Variants in CHRDL1 observed in about 807,000 individuals in gnomAD.
CHRDL1 encodes the protein chordin-like protein 1.
CHRDL1 carries 19 observed loss-of-function variants against 40.9 expected under a neutral mutation model. That is an observed-to-expected ratio of 0.46 (90% CI 0.32 to 0.68). The LOEUF (loss-of-function observed/expected upper bound fraction) is 0.68, where lower values mean the gene tolerates loss of function less well. CHRDL1 is among the 30% of genes least tolerant of loss of function. The pLI is 0.03. For synonymous variants in CHRDL1, 136 were observed against 123.4 expected (o/e 1.10, Z -0.68); for missense variants, 329 against 352.1 (o/e 0.93, Z 0.53).
chrX:110,736,494 T>C (rs1378575127), intron 4 of CHRDL1, among the ~76,000 whole-genome samples: 1 of 112,036 alleles, frequency 8.9e-6, no homozygotes, highest in Non-Finnish European at 1.9e-5. Flanking sequence ...AAAGTGATGA[T>C]AGGGGTCAGA....
chrX:110,689,254 CTTTTT>C (rs55785948), intron 8 of CHRDL1, among the ~76,000 whole-genome samples: 1 of 88,723 alleles, frequency 1.1e-5, no homozygotes, highest in African/African-American at 4.0e-5. Flanking sequence ...CCATGCCGTG[CTTTTT>C]TTTTTTTTTT....
At chrX:110,682,946 G>A (rs1221158752) in intron 9 of CHRDL1, among the ~76,000 whole-genome samples, 1 of 112,054 alleles carries the variant, frequency 8.9e-6, no homozygotes, top group Non-Finnish European at 1.9e-5. Context: ...CTTTTTAAAT[G>A]GGTTGGAGAG....
intron 4 of CHRDL1, among the ~76,000 whole-genome samples, chrX:110,736,926 A>G (rs888562079): frequency 1.8e-4 from 20 of 111,920 alleles, no homozygotes; most frequent in African/African-American, 6.5e-4. Flanking sequence ...ATCTACAATT[A>G]TAGATGAGGA....
At chrX:110,689,072 G>GTATATATATATATA (rs758293619) in intron 8 of CHRDL1, among the ~76,000 whole-genome samples, 10 of 31,154 alleles carry the variant, frequency 3.2e-4, no homozygotes, top group African/African-American at 2.0e-3. Context: ...ATATATATAT[G>GTATATATATATATA]TATATATATA....
intron 4 of CHRDL1, among the ~76,000 whole-genome samples, chrX:110,744,524 C>T (rs752919625): frequency 9.0e-6 from 1 of 111,460 alleles, no homozygotes; most frequent in Non-Finnish European, 1.9e-5. Flanking sequence ...GACAGGTCCA[C>T]GTCATTTGTA....
chrX:110,703,359 A>G (rs2070555570), intron 6 of CHRDL1, among the ~76,000 whole-genome samples: 2 of 112,289 alleles, frequency 1.8e-5, no homozygotes, highest in South Asian at 7.4e-4. Flanking sequence ...TCAATAGTAT[A>G]TATACTCTTT....
At chrX:110,741,303 G>A (rs1184984026) in intron 4 of CHRDL1, among the ~76,000 whole-genome samples, 1 of 111,749 alleles carries the variant, frequency 8.9e-6, no homozygotes, top group Non-Finnish European at 1.9e-5. Context: ...ATCAGGATGG[G>A]TATAGGATCT....
At chrX:110,740,530 G>T (rs1189152357) in intron 4 of CHRDL1, among the ~76,000 whole-genome samples, 1 of 112,575 alleles carries the variant, frequency 8.9e-6, no homozygotes, top group Non-Finnish European at 1.9e-5. Context: ...CTAAGACAAA[G>T]AGGTAGTATG....
rs754788938 is a variant in CHRDL1 at position 110,776,720 on chromosome X, G to A, written c.95-13913C>T. Among the ~76,000 whole-genome samples, 3 of 109,499 alleles carry A rather than the reference G, an allele frequency of 2.7e-5. No homozygotes were observed. The East Asian group carries it at 8.5e-4, about 31-fold the overall frequency. Reference sequence around the variant, plus strand: ...CTTATGTTTACAGTAAAATTGGGAGGAAGGTACAGAGATTTCCCATATACC... The same window carrying A: ...CTTATGTTTACAGTAAAATTGGGAGAAAGGTACAGAGATTTCCCATATACC... On this transcript the variant is annotated intron_variant, in intron 2 of 11. Coordinates refer to ENST00000372042, the MANE Select transcript of CHRDL1 (RefSeq NM_001143981.2).
chrX:110,750,871 C>A (rs1233162495), intron 4 of CHRDL1, among the ~76,000 whole-genome samples: 1 of 111,736 alleles, frequency 8.9e-6, no homozygotes, highest in African/African-American at 3.3e-5. Context: ...GGGGAAATGT[C>A]ACACAAGGAA....
intron 9 of CHRDL1, among the ~76,000 whole-genome samples, 196 bp downstream of exon 9, chrX:110,688,397 CA>C (rs2070069986): frequency 8.9e-6 from 1 of 111,895 alleles, no homozygotes; most frequent in African/African-American, 3.2e-5. Context: ...TAGACACAAG[CA>C]TATTTCTGGG....
chrX:110,788,413 C>G (rs1046652171), intron 2 of CHRDL1, among the ~76,000 whole-genome samples: 1 of 111,696 alleles, frequency 9.0e-6, no homozygotes, highest in Non-Finnish European at 1.9e-5. Flanking sequence ...CGTCATTCCC[C>G]TGTGATGCCC....
chrX:110,787,933 T>C (rs932366114), intron 2 of CHRDL1, among the ~76,000 whole-genome samples: 5 of 112,598 alleles, frequency 4.4e-5, no homozygotes, highest in Non-Finnish European at 9.4e-5. Context: ...CTTTGATCAA[T>C]AGTTCATTAC....
chrX:110,718,160 T>C (rs2070877956), intron 6 of CHRDL1, among the ~76,000 whole-genome samples: 1 of 111,832 alleles, frequency 8.9e-6, no homozygotes, highest in South Asian at 3.8e-4. Context: ...GTCATTCAAC[T>C]ACAAAGTAGC....
chrX:110,772,498 G>T (rs1395353118), intron 2 of CHRDL1, among the ~76,000 whole-genome samples: 1 of 112,451 alleles, frequency 8.9e-6, no homozygotes, highest in Admixed American at 9.4e-5. Context: ...AATTAGCCAG[G>T]CATGGCGGCA....
chrX:110,696,912 G>A (rs2070397495), intron 7 of CHRDL1, among the ~76,000 whole-genome samples: 1 of 110,752 alleles, frequency 9.0e-6, no homozygotes, highest in African/African-American at 3.3e-5. Context: ...TGATTTAAGG[G>A]TAATGGTTCT....
intron 2 of CHRDL1, among the ~76,000 whole-genome samples, chrX:110,789,679 G>A (rs1322025500): frequency 9.0e-6 from 1 of 111,392 alleles, no homozygotes; most frequent in East Asian, 2.8e-4. Context: ...TCCTATTTTT[G>A]TAAAATAAAA....
At chrX:110,679,208 C>T in intron 11 of CHRDL1, 128 bp downstream of exon 11, 1 of 506,460 alleles carries the variant, frequency 2.0e-6, no homozygotes. Flanking sequence ...AGAGATGGAA[C>T]ATCCTTTAGT....
At chrX:110,713,588 G>A (rs2070783126) in intron 6 of CHRDL1, among the ~76,000 whole-genome samples, 2 of 111,971 alleles carry the variant, frequency 1.8e-5, no homozygotes, top group African/African-American at 3.2e-5. Context: ...CCAACAGGTA[G>A]TATAGAAGTT....
Sources: allele counts gnomAD v4.1 joint callset (sites outside exome capture counted in the v4.1 genomes callset), GRCh38; gene constraint gnomAD v4.1.1; transcripts MANE v1.5; gene names NCBI Gene and HGNC (gene_info 2026-07-23, HGNC 2026-07-21).